The following USP34 variants were observed in gnomAD, a reference collection of about 807,000 sequenced individuals.
USP34 encodes the protein ubiquitin carboxyl-terminal hydrolase 34.
In USP34, 70 loss-of-function variants were observed where a neutral mutation model predicts 460.3. That is an observed-to-expected ratio of 0.15 (90% CI 0.13 to 0.19). The LOEUF (loss-of-function observed/expected upper bound fraction) is 0.19. USP34 is among the 10% of genes least tolerant of loss of function. The pLI is 1.00. For missense variants in USP34, 3,985 were observed against 4,236.2 expected (o/e 0.94, Z 1.65); for synonymous variants, 1,647 against 1,405.3 (o/e 1.17, Z -3.85).
chr2:61,233,029 T>G (rs1331115606), intron 57 of USP34, among the ~76,000 whole-genome samples: 1 of 151,890 alleles, frequency 6.6e-6, no homozygotes, highest in East Asian at 1.9e-4. Context: ...CTGGCTGATT[T>G]TTGTATTTTT....
intron 65 of USP34, chr2:61,221,960 A>G (rs1176406384): frequency 6.0e-6 from 1 of 166,352 alleles, no homozygotes; most frequent in South Asian, 1.8e-4. Flanking sequence ...TCACATATGC[A>G]TTACCTCACA....
At chr2:61,444,343 T>G (rs978647294) in intron 1 of USP34, among the ~76,000 whole-genome samples, 7 of 151,814 alleles carry the variant, frequency 4.6e-5, no homozygotes, top group African/African-American at 1.7e-4. Context: ...TAATACAGAT[T>G]AAACAAGACT....
intron 74 of USP34, among the ~76,000 whole-genome samples, chr2:61,203,482 A>G (rs1687030530): frequency 6.6e-6 from 1 of 152,178 alleles, no homozygotes; most frequent in Admixed American, 6.5e-5. Flanking sequence ...CATTATTTCT[A>G]TATACTTTAA....
At chr2:61,400,216 T>C (rs372354193) in intron 3 of USP34, among the ~76,000 whole-genome samples, 1 of 151,756 alleles carries the variant, frequency 6.6e-6, no homozygotes, top group African/African-American at 2.4e-5. Flanking sequence ...TTCACGCCAT[T>C]CTCCCGCCTC....
intron 20 of USP34, among the ~76,000 whole-genome samples, chr2:61,326,139 G>C (rs1691081402): frequency 6.6e-6 from 1 of 152,024 alleles, no homozygotes; most frequent in African/African-American, 2.4e-5. Context: ...AAGAGTGCTG[G>C]TGAGTGGGGG....
chr2:61,411,344 G>A (rs1694032357), intron 2 of USP34, among the ~76,000 whole-genome samples: 6 of 148,778 alleles, frequency 4.0e-5, no homozygotes. Context: ...CTATGCCACT[G>A]TACTCCAGCC....
intron 7 of USP34, among the ~76,000 whole-genome samples, chr2:61,379,652 A>G (rs979477370): frequency 1.3e-5 from 2 of 152,262 alleles, no homozygotes; most frequent in South Asian, 2.1e-4. Flanking sequence ...GACTGTTGTT[A>G]TGCAAGAATA....
chr2:61,416,230 G>C (rs777753584), intron 2 of USP34, among the ~76,000 whole-genome samples: 28 of 152,210 alleles, frequency 1.8e-4, no homozygotes, highest in Non-Finnish European at 3.2e-4. Flanking sequence ...GCCTTAAAGA[G>C]TGAACCACAT....
At chr2:61,410,032 A>C (rs1693994123) in intron 2 of USP34, among the ~76,000 whole-genome samples, 1 of 152,210 alleles carries the variant, frequency 6.6e-6, no homozygotes, top group Non-Finnish European at 1.5e-5. Context: ...CCCTCTGTGT[A>C]TCAATGGTTC....
intron 1 of USP34, among the ~76,000 whole-genome samples, chr2:61,461,159 G>A (rs1224259500): frequency 1.3e-5 from 2 of 151,968 alleles, no homozygotes; most frequent in South Asian, 4.2e-4. Flanking sequence ...GGGAGGCTGA[G>A]GCAGGTGGAT....
Position 61,283,432 on chromosome 2 carries a change from G to A in USP34, c.4850C>T (p.Ser1617Phe), listed in dbSNP as rs1045218522. Residue 1617 changes from serine (S) to phenylalanine (F), a missense_variant, in exon 36 of 80, where the codon TCT (serine) becomes TTT (phenylalanine). By Grantham distance (155) the Ser-to-Phe change is radical. This residue lies in a region of USP34 where 1,114 missense variants were observed against 1,122.5 expected (regional missense o/e 0.99). Transcript: ENST00000398571. ...ACCTTCATGTCTAGACCTGTGATCA[G>A]ACTGAGCTTTTAAAACTCTGTAAAG... ...NLAPRVLKAQ[S>F]DHRSRHEVSH... 6.2e-7 allele frequency: 1 copy of A among 1,606,440 alleles called. No homozygotes were observed.
At chr2:61,224,277 A>G (rs1687669554) in intron 62 of USP34, among the ~76,000 whole-genome samples, 1 of 152,166 alleles carries the variant, frequency 6.6e-6, no homozygotes, top group Non-Finnish European at 1.5e-5. Flanking sequence ...TTTGTCCTGT[A>G]GTTTCTCTCA....
chr2:61,439,949 T>A (rs1371844679), intron 1 of USP34, among the ~76,000 whole-genome samples: 1 of 151,998 alleles, frequency 6.6e-6, no homozygotes, highest in East Asian at 1.9e-4. Context: ...GAGCGGAGGA[T>A]GTGGGAGGAC....
intron 21 of USP34, among the ~76,000 whole-genome samples, chr2:61,322,627 A>C (rs1473809198): frequency 2.0e-5 from 3 of 152,210 alleles, no homozygotes; most frequent in Non-Finnish European, 4.4e-5. Flanking sequence ...TTATTGGGAA[A>C]AGTAGATGAA....
intron 51 of USP34, among the ~76,000 whole-genome samples, chr2:61,242,458 T>TACACAC (rs67471702): frequency 0.039 from 5,026 of 129,586 alleles, 161 homozygotes; most frequent in East Asian, 0.1. Context: ...AGATAATACA[T>TACACAC]ACACACACAC....
intron 20 of USP34, among the ~76,000 whole-genome samples, chr2:61,330,338 G>A (rs1474579235): frequency 6.6e-6 from 1 of 152,076 alleles, no homozygotes; most frequent in Non-Finnish European, 1.5e-5. Flanking sequence ...TTCATGTTTG[G>A]AAATAAGAGT....
intron 29 of USP34, among the ~76,000 whole-genome samples, chr2:61,299,669 T>A (rs1690159243): frequency 7.2e-6 from 1 of 139,808 alleles, no homozygotes; most frequent in Admixed American, 7.1e-5. Flanking sequence ...CAGGATCACT[T>A]GAACCTGAGA....
At chr2:61,371,908 G>A (rs1325204580) in intron 8 of USP34, among the ~76,000 whole-genome samples, 1 of 152,102 alleles carries the variant, frequency 6.6e-6, no homozygotes, top group Non-Finnish European at 1.5e-5. Context: ...ACAGAATTAA[G>A]TACAGTAAGA....
chr2:61,250,903 C>A (rs1688560805), intron 48 of USP34, among the ~76,000 whole-genome samples: 1 of 152,174 alleles, frequency 6.6e-6, no homozygotes, highest in Non-Finnish European at 1.5e-5. Context: ...CTTTGGGAGG[C>A]TGGAGCAGGC....
Sources: gnomAD v4.1 joint callset for allele counts (sites outside exome capture counted in the v4.1 genomes callset) on GRCh38, gnomAD v4.1.1 for gene constraint, gnomAD v4.1.1 regional missense constraint, MANE v1.5 for transcripts, NCBI Gene and HGNC (gene_info 2026-07-23, HGNC 2026-07-21) for gene names.